Variants in GAREM2 observed in about 807,000 individuals in gnomAD.
GAREM2 encodes GRB2-associated and regulator of MAPK protein 2.
In GAREM2, 30 loss-of-function variants were observed where a neutral mutation model predicts 55.6. That is an observed-to-expected ratio of 0.54 (90% CI 0.40 to 0.73). GAREM2 has a LOEUF of 0.73. GAREM2 is among the 30% of genes least tolerant of loss of function. The probability of loss-of-function intolerance (pLI) is 0.00; values close to 1 mark genes in which losing one functional copy is unlikely to be tolerated. For synonymous variants in GAREM2, 550 were observed against 569.1 expected (o/e 0.97, Z 0.48); for missense variants, 1,075 against 1,257.7 (o/e 0.85, Z 2.20).
intron 2 of GAREM2, chr2:26,182,493 G>T (rs1338596466): frequency 6.5e-7 from 1 of 1,550,376 alleles, no homozygotes; most frequent in Non-Finnish European, 8.7e-7. Flanking sequence ...GCCAGATCCA[G>T]GTAGGGCCCA....
At chr2:26,202,050 CA>C in the GAREM2 span, among the ~76,000 whole-genome samples, 1 of 151,908 alleles carries the variant, frequency 6.6e-6, no homozygotes, top group South Asian at 2.1e-4. Context: ...CCATCCGCCT[CA>C]GCCTCCCAAA....
rs1668867956 is a variant in GAREM2, at chr2:26,176,406, A to G, written c.175A>G (p.Thr59Ala). ...ILLIHSCRQW[T>A]TVTAHTLEEG... Reference sequence around the variant, plus strand: ...GCTCATCCACTCCTGCCGGCAGTGGACAACGGTGACAGCTCATACCCTGGA... The same window carrying G: ...GCTCATCCACTCCTGCCGGCAGTGGGCAACGGTGACAGCTCATACCCTGGA... Residue 59 changes from threonine (T) to alanine (A), a missense_variant, in exon 2 of 6, where the codon ACA becomes GCA. Transcript: ENST00000401533. 2 of 1,550,704 alleles carry G rather than the reference A, an allele frequency of 1.3e-6. No individual in the cohort carries two copies. The highest frequency in any genetic ancestry group is 2.0e-5 in the Admixed American group (1 of 50,842).
intron 2 of GAREM2, 149 bp downstream of exon 2, chr2:26,176,633 T>C (rs1176302911): frequency 3.1e-6 from 2 of 655,434 alleles, no homozygotes; most frequent in Admixed American, 4.2e-5. Context: ...CATTCTGTTC[T>C]GTGGCACTCT....
intron 2 of GAREM2, among the ~76,000 whole-genome samples, chr2:26,177,388 G>T (rs1047144375): frequency 6.6e-6 from 1 of 152,200 alleles, no homozygotes; most frequent in Non-Finnish European, 1.5e-5. Flanking sequence ...ATGCTGGGCC[G>T]AACATTTTTG....
At chr2:26,198,474 T>C in the GAREM2 span, among the ~76,000 whole-genome samples, 8 of 151,586 alleles carry the variant, frequency 5.3e-5, no homozygotes, top group Admixed American at 3.3e-4. Context: ...CTCCCAGTTA[T>C]TCATGTTTTT....
rs1400213750 is a variant in GAREM2 at position 26,189,354 on chromosome 2, C to T, written c.*1097C>T. The T allele has an allele frequency of 2.0e-5, 3 of 152,234 alleles. No homozygotes were observed. Among genetic ancestry groups the T allele is most frequent in the Non-Finnish European group, 4.4e-5 (3 of 68,082 alleles). The allele number at this position is 152,234 out of a possible 1,614,324, so 9.4% of individuals were successfully genotyped here. A position where few individuals can be genotyped will look rare whatever the true frequency, so the allele number is the denominator to read the frequency against. On this transcript the variant is annotated 3_prime_UTR_variant, in exon 6 of 6. Transcript: ENST00000401533. ...TGGTCATTGTGTCCAACCACACACC[C>T]CACCCCATCCGTGTCCTCCATCTCA... is the stretch of plus-strand genomic sequence containing the variant.
chr2:26,185,024 C>G lies in GAREM2; in HGVS notation c.1176C>G (p.Arg392=). 1 of 1,121,274 alleles carries G rather than the reference C, an allele frequency of 8.9e-7. No individual in the cohort carries two copies. The highest frequency in any genetic ancestry group is 1.1e-6 in the Non-Finnish European group (1 of 917,768). 69.5% of individuals were successfully genotyped at this position (1,121,274 alleles called of 1,614,324 possible). The change falls in exon 4 of 6, where the codon CGC becomes CGG. Residue 392 remains arginine (R), a synonymous_variant. Coordinates refer to ENST00000401533, the MANE Select transcript of GAREM2 (RefSeq NM_001168241.2). ...CGCCGCGCGCCCCCGGGCTCGCCCG[C>G]GCCCCCGGCCCGCTAGCGCCGGCTC... ...LPAPRAPGLA[R]APGPLAPAPA...
At chr2:26,194,508 T>A, downstream of GAREM2, 4 of 998,166 alleles carry the variant, frequency 4.0e-6, no homozygotes, top group Non-Finnish European at 6.5e-6. Flanking sequence ...CTTGACATCA[T>A]GAGTTTTAGA....
At chr2:26,173,890 C>T (rs1336573339) in intron 1 of GAREM2, among the ~76,000 whole-genome samples, 2 of 152,138 alleles carry the variant, frequency 1.3e-5, no homozygotes, top group African/African-American at 4.8e-5. Context: ...TGCTGCCCGG[C>T]GTGACCCCCA....
Position 26,173,274 on chromosome 2 carries a change from C to T in GAREM2, c.54C>T (p.Phe18=), listed in dbSNP as rs1668759040. 2.8e-6 allele frequency: 4 copies of T among 1,425,548 alleles called. No homozygotes were observed. The African/African-American group carries it at 4.4e-5, about 16-fold the overall frequency. 88.3% of individuals were successfully genotyped at this position (1,425,548 alleles called of 1,614,324 possible). A position where few individuals can be genotyped will look rare whatever the true frequency, so the allele number is the denominator to read the frequency against. ...GCCTGCGCTGGAGCATGGGCGCCTT[C>T]CCGCTCGACCTCATCGTCAGCCGCT... ...LAGLRWSMGA[F]PLDLIVSRCR... The change falls in exon 1 of 6, where the codon TTC becomes TTT. Residue 18 remains phenylalanine, a synonymous_variant. Coordinates refer to ENST00000401533, the MANE Select transcript of GAREM2 (RefSeq NM_001168241.2).
chr2:26,185,355 T>G (rs1164582863), intron 4 of GAREM2, 79 bp downstream of exon 4: 15 of 1,402,578 alleles, frequency 1.1e-5, no homozygotes, highest in Non-Finnish European at 1.4e-5. Context: ...GGCCCCGGAG[T>G]ATGTGGCAGA....
rs966817494 is a variant in GAREM2, at chr2:26,185,084, C to A, written c.1236C>A (p.Pro412=). The A allele has an allele frequency of 9.9e-6, 14 of 1,407,310 alleles. No homozygotes were observed. The highest frequency in any genetic ancestry group is 1.1e-5 in the Non-Finnish European group (12 of 1,087,914). The allele number at this position is 1,407,310 out of a possible 1,614,324, so 87.2% of individuals were successfully genotyped here. Residue 412 remains proline (P), a synonymous_variant, in exon 4 of 6, where the codon CCC becomes CCA. Coordinates refer to ENST00000401533, the MANE Select transcript of GAREM2 (RefSeq NM_001168241.2). ...AGGGCGACCAGGAGTACGTGAGCCCCGACTGGGCAGCCGCGCCCGAGCCCG... is the reference window on the plus strand; with the variant it reads ...AGGGCGACCAGGAGTACGTGAGCCCAGACTGGGCAGCCGCGCCCGAGCCCG... ...AGEGDQEYVS[P]DWAAAPEPAA...
downstream of GAREM2, chr2:26,193,632 C>T: frequency 1.9e-6 from 3 of 1,614,120 alleles, no homozygotes; most frequent in Non-Finnish European, 2.5e-6. Flanking sequence ...CACCTCCAAA[C>T]CGCTCCCCAA....
chr2:26,187,920 A>G lies in GAREM2; in HGVS notation c.2288A>G (p.Gln763Arg). 6.9e-7 allele frequency: 1 copy of G among 1,449,298 alleles called. No individual in the cohort carries two copies. The highest frequency in any genetic ancestry group is 9.1e-7 in the Non-Finnish European group (1 of 1,096,972). 89.8% of individuals were successfully genotyped at this position (1,449,298 alleles called of 1,614,324 possible). Residue 763 changes from glutamine to arginine, a missense_variant, in exon 6 of 6, where the codon CAG becomes CGG. Around this residue, in one of 6 missense-constraint regions of GAREM2, gnomAD observed 142 missense variants for 172.3 expected, o/e 0.82. Coordinates refer to ENST00000401533, the MANE Select transcript of GAREM2 (RefSeq NM_001168241.2). ...VPTPLSPAAL[Q>R]GPEAGGALFL... ...ACCCCACTGTCACCAGCTGCTCTGC[A>G]GGGACCCGAGGCGGGAGGAGCACTT... is the stretch of plus-strand genomic sequence containing the variant.
At chr2:26,192,717 AGT>A (rs1366343492), downstream of GAREM2, among the ~76,000 whole-genome samples, 4 of 152,120 alleles carry the variant, frequency 2.6e-5, no homozygotes, top group Admixed American at 2.0e-4. Context: ...CCTGGGCAAC[AGT>A]GTGAGACTCT....
At chr2:26,193,450 G>T (rs1348406105), downstream of GAREM2, 1 of 837,154 alleles carries the variant, frequency 1.2e-6, no homozygotes, top group South Asian at 1.3e-5. Flanking sequence ...TTTTGAAATC[G>T]CCAGTGATAA....
At chr2:26,192,179 A>G (rs1309805650), downstream of GAREM2, 4 of 653,216 alleles carry the variant, frequency 6.1e-6, no homozygotes, top group Admixed American at 9.6e-5. Flanking sequence ...GTGTATACCT[A>G]TGTAACAAAC....
In GAREM2 at chr2:26,187,232, G is replaced by A. The variant is rs1218162289; in HGVS notation, c.1600G>A (p.Ala534Thr). Residue 534 changes from alanine to threonine, a missense_variant and splice_region_variant, in exon 6 of 6, where the codon GCG becomes ACG. Physicochemically the swap from Ala to Thr is moderately conservative, Grantham distance 58 (BLOSUM62 0). This residue lies in a region of GAREM2 where 515 missense variants were observed against 501.5 expected (regional missense o/e 1.03). Transcript: ENST00000401533. Reference sequence around the variant, plus strand: ...GTGTGTGTCTGTCTCTGTCCACAGGGCGGGTTCCCGCAGTGGCAGTGGCTC... The same window carrying A: ...GTGTGTGTCTGTCTCTGTCCACAGGACGGGTTCCCGCAGTGGCAGTGGCTC... ...SYYSSGLQDG[A>T]GSRSGSGSPS... is the part of the protein sequence containing the mutation. 3.7e-5 allele frequency: 53 copies of A among 1,449,404 alleles called. No individual in the cohort carries two copies. Among genetic ancestry groups the A allele is most frequent in the Non-Finnish European group, 4.7e-5 (52 of 1,095,638 alleles). 89.8% of individuals were successfully genotyped at this position (1,449,404 alleles called of 1,614,324 possible).
chr2:26,174,289 GC>G (rs932543817), intron 1 of GAREM2, among the ~76,000 whole-genome samples: 2 of 152,208 alleles, frequency 1.3e-5, no homozygotes, highest in African/African-American at 4.8e-5. Flanking sequence ...GAGCATCGGC[GC>G]CCCGCCGTCG....
Sources: gnomAD v4.1 joint callset for allele counts (sites outside exome capture counted in the v4.1 genomes callset) on GRCh38, gnomAD v4.1.1 for gene constraint, gnomAD v4.1.1 regional missense constraint, MANE v1.5 for transcripts, NCBI Gene and HGNC (gene_info 2026-07-23, HGNC 2026-07-21) for gene names.